The following CAMKMT variants were observed in gnomAD, a reference collection of about 807,000 sequenced individuals.
CAMKMT encodes CaM KMT.
Under a neutral mutation model 48.0 loss-of-function variants are expected in CAMKMT, and 53 were observed. That is an observed-to-expected ratio of 1.10 (90% confidence interval 0.89 to 1.39). The LOEUF (loss-of-function observed/expected upper bound fraction) is 1.39, where lower values mean the gene tolerates loss of function less well. Ranked by LOEUF, CAMKMT falls within the 40% of genes most tolerant of loss-of-function variation. The pLI is 0.00. For missense variants in CAMKMT, 428 were observed against 402.7 expected (o/e 1.06, Z -0.54); for synonymous variants, 165 against 152.3 (o/e 1.08, Z -0.61).
At chr2:44,459,077 T>C (rs1667721626) in intron 3 of CAMKMT, among the ~76,000 whole-genome samples, 1 of 152,092 alleles carries the variant, frequency 6.6e-6, no homozygotes, top group Non-Finnish European at 1.5e-5. Flanking sequence ...CCAGCTGCTC[T>C]ACCTCTGTAG....
chr2:44,630,027 G>A (rs1272431506), intron 3 of CAMKMT, among the ~76,000 whole-genome samples: 1 of 151,346 alleles, frequency 6.6e-6, no homozygotes, highest in Non-Finnish European at 1.5e-5. Context: ...AAAACAGCAT[G>A]GTACTGGTAC....
chr2:44,644,167 G>A (rs1422936496), intron 3 of CAMKMT, among the ~76,000 whole-genome samples: 1 of 152,240 alleles, frequency 6.6e-6, no homozygotes, highest in African/African-American at 2.4e-5. Context: ...GTCTTGAGCT[G>A]TCAGTGGAGA....
chr2:44,743,025 C>G (rs1679767147), intron 7 of CAMKMT, among the ~76,000 whole-genome samples: 1 of 152,176 alleles, frequency 6.6e-6, no homozygotes. Flanking sequence ...TTTTCAAATG[C>G]ATGTTACTAA....
intron 7 of CAMKMT, among the ~76,000 whole-genome samples, chr2:44,721,424 C>A (rs1203086193): frequency 6.6e-6 from 1 of 152,144 alleles, no homozygotes; most frequent in African/African-American, 2.4e-5. Flanking sequence ...CAAAAGGTTT[C>A]CTAATATTGA....
At chr2:44,760,508 G>A (rs1181003121) in intron 9 of CAMKMT, among the ~76,000 whole-genome samples, 1 of 151,764 alleles carries the variant, frequency 6.6e-6, no homozygotes, top group Non-Finnish European at 1.5e-5. Flanking sequence ...CTACTCAGGA[G>A]GCTGAGGCAG....
rs147400654 is a variant in CAMKMT at position 44,399,190 on chromosome 2, A to G, written c.376+8885A>G. On this transcript the variant is annotated intron_variant, in intron 3 of 10. Transcript: ENST00000378494. The stretch of plus-strand genomic sequence containing the variant: ...AAGCCTTTGCCCTTCCAGGGTTTTG[A>G]AGATCAGACTTCTGTATCACTTAAT... 4.0e-4 allele frequency among the ~76,000 whole-genome samples: 61 copies of G among 152,316 alleles called. 2 individuals carry two copies. In the East Asian group the frequency reaches 0.012, roughly 29 times the overall value.
intron 3 of CAMKMT, among the ~76,000 whole-genome samples, chr2:44,609,157 C>T (rs952190298): frequency 3.3e-5 from 5 of 152,046 alleles, no homozygotes; most frequent in Non-Finnish European, 7.3e-5. Flanking sequence ...TTGATCTCAC[C>T]GAAGTAGAGG....
intron 3 of CAMKMT, among the ~76,000 whole-genome samples, chr2:44,532,853 C>T (rs1000449079): frequency 3.3e-5 from 5 of 151,192 alleles, no homozygotes; most frequent in Admixed American, 2.6e-4. Context: ...CTCGCTGTCA[C>T]CCAGGCTGGA....
chr2:44,718,529 C>G (rs1191797722), intron 7 of CAMKMT, among the ~76,000 whole-genome samples: 1 of 152,162 alleles, frequency 6.6e-6, no homozygotes, highest in Admixed American at 6.5e-5. Flanking sequence ...CTAAATATAG[C>G]TAGAGATTGA....
At chr2:44,378,038 G>A (rs1679871002) in intron 2 of CAMKMT, among the ~76,000 whole-genome samples, 1 of 152,114 alleles carries the variant, frequency 6.6e-6, no homozygotes, top group Non-Finnish European at 1.5e-5. Context: ...AGACAAATAC[G>A]AATACTGCAT....
intron 3 of CAMKMT, among the ~76,000 whole-genome samples, chr2:44,399,221 A>G (rs1468295397): frequency 1.3e-5 from 2 of 152,112 alleles, no homozygotes; most frequent in Non-Finnish European, 2.9e-5. Context: ...TTAATTTCTG[A>G]TTGATTTTCT....
intron 7 of CAMKMT, among the ~76,000 whole-genome samples, chr2:44,732,397 A>T (rs1679124714): frequency 6.6e-6 from 1 of 152,258 alleles, no homozygotes; most frequent in African/African-American, 2.4e-5. Context: ...GAGAGAATAT[A>T]AATTTTACTT....
chr2:44,554,140 C>A (rs1004073441), intron 3 of CAMKMT, among the ~76,000 whole-genome samples: 17 of 152,178 alleles, frequency 1.1e-4, no homozygotes, highest in African/African-American at 3.6e-4. Context: ...TCTGTATGTT[C>A]AGTCGGAGTT....
At chr2:44,422,482 C>T (rs1045622987) in intron 3 of CAMKMT, among the ~76,000 whole-genome samples, 1 of 152,192 alleles carries the variant, frequency 6.6e-6, no homozygotes, top group Non-Finnish European at 1.5e-5. Flanking sequence ...CCAGGAACCT[C>T]TACACAGATC....
chr2:44,378,475 T>A (rs11899327), intron 2 of CAMKMT, among the ~76,000 whole-genome samples: 758 of 10,392 alleles, frequency 0.073, 6 homozygotes, highest in African/African-American at 0.38. Context: ...GAATTAAGTT[T>A]GTTTGTTTGT....
At chr2:44,722,293 C>G (rs1374962081) in intron 7 of CAMKMT, among the ~76,000 whole-genome samples, 2 of 150,208 alleles carry the variant, frequency 1.3e-5, no homozygotes, top group African/African-American at 4.9e-5. Context: ...TATATTTAAC[C>G]TCTTGAGGAC....
chr2:44,574,608 G>A (rs11124993), intron 3 of CAMKMT, among the ~76,000 whole-genome samples: 97,499 of 150,790 alleles, frequency 0.65, 31,934 homozygotes, highest in Admixed American at 0.71. Flanking sequence ...AATACAGGGG[G>A]AAAAAAAAGT....
intron 3 of CAMKMT, among the ~76,000 whole-genome samples, chr2:44,470,612 GTCTT>G (rs2104649066): frequency 6.6e-6 from 1 of 152,244 alleles, no homozygotes; most frequent in Admixed American, 6.5e-5. Context: ...TACGTTTACT[GTCTT>G]TATTTAAGAA....
At chr2:44,727,823 G>T (rs1393340543) in intron 7 of CAMKMT, among the ~76,000 whole-genome samples, 1 of 152,206 alleles carries the variant, frequency 6.6e-6, no homozygotes, top group Non-Finnish European at 1.5e-5. Context: ...ATGAAGGGAT[G>T]TTGGAGTTTA....
Sources: allele counts gnomAD v4.1 joint callset (sites outside exome capture counted in the v4.1 genomes callset), GRCh38; gene constraint gnomAD v4.1.1; transcripts MANE v1.5; gene names NCBI Gene and HGNC (gene_info 2026-07-23, HGNC 2026-07-21).